Variants in FGF13 observed in about 807,000 individuals in gnomAD.
The protein encoded by FGF13 is fibroblast growth factor homologous factor 2.
FGF13 carries 2 observed loss-of-function variants against 19.5 expected under a neutral mutation model. That is an observed-to-expected ratio of 0.10 (90% CI 0.04 to 0.32). The LOEUF (loss-of-function observed/expected upper bound fraction) is 0.32. Among genes scored for constraint, FGF13 ranks in the 10% least tolerant of loss-of-function variants. The pLI, the probability that FGF13 is intolerant of heterozygous loss-of-function variation, is 1.00. For synonymous variants in FGF13, 72 were observed against 76.9 expected, an observed-to-expected ratio of 0.94 and a Z score of 0.33; for missense variants, 113 against 192.7, an observed-to-expected ratio of 0.59 and a Z score of 2.45.
At chrX:139,035,752 G>T (rs900076812) in intron 1 of FGF13, among the ~76,000 whole-genome samples, 3 of 111,128 alleles carry the variant, frequency 2.7e-5, no homozygotes, top group Non-Finnish European at 3.8e-5. Flanking sequence ...GGGCTTAGGA[G>T]GGTTGAGGAG....
chrX:138,767,861 C>A (rs2090513548), intron 3 of FGF13, among the ~76,000 whole-genome samples: 1 of 112,183 alleles, frequency 8.9e-6, no homozygotes, highest in Admixed American at 9.5e-5. Context: ...GAATTAGAAA[C>A]CAGAGATATA....
chrX:139,069,690 A>T (rs937664096), intron 1 of FGF13, among the ~76,000 whole-genome samples: 2 of 112,392 alleles, frequency 1.8e-5, no homozygotes, highest in Non-Finnish European at 3.8e-5. Context: ...CTAAGCCAAA[A>T]GAACAAAGCT....
At chrX:138,888,470 C>T (rs988955085) in intron 1 of FGF13, among the ~76,000 whole-genome samples, 1 of 110,556 alleles carries the variant, frequency 9.0e-6, no homozygotes, top group Non-Finnish European at 1.9e-5. Flanking sequence ...GCTTAGTGCT[C>T]TACTGTTGGG....
At chrX:139,111,118 G>C (rs929126794) in intron 1 of FGF13, among the ~76,000 whole-genome samples, 1 of 112,164 alleles carries the variant, frequency 8.9e-6, no homozygotes, top group African/African-American at 3.2e-5. Flanking sequence ...AGATGGCTAA[G>C]ATCTCAAAAG....
intron 3 of FGF13, among the ~76,000 whole-genome samples, chrX:138,827,207 T>C (rs2091040098): frequency 1.8e-5 from 2 of 112,042 alleles, no homozygotes; most frequent in Non-Finnish European, 3.8e-5. Context: ...GTGCTGTGGC[T>C]GGATCCCAGT....
intron 3 of FGF13, among the ~76,000 whole-genome samples, chrX:138,772,545 C>T (rs2124345714): frequency 9.0e-6 from 1 of 111,526 alleles, no homozygotes; most frequent in African/African-American, 3.3e-5. Flanking sequence ...GTTCTTCAAT[C>T]CATGCTGTTT....
intron 1 of FGF13, among the ~76,000 whole-genome samples, chrX:138,901,290 G>A (rs908351926): frequency 1.8e-5 from 2 of 111,501 alleles, no homozygotes; most frequent in Admixed American, 9.6e-5. Flanking sequence ...GGACTGATAC[G>A]CATTTATGAA....
intron 1 of FGF13, among the ~76,000 whole-genome samples, chrX:138,728,864 G>A (rs1238484889): frequency 2.7e-5 from 3 of 111,133 alleles, no homozygotes; most frequent in Non-Finnish European, 3.8e-5. Context: ...AGAGAACAGA[G>A]ACAAACCATC....
chrX:138,782,313 A>G (rs1403178596), intron 3 of FGF13, among the ~76,000 whole-genome samples: 34 of 112,220 alleles, frequency 3.0e-4, no homozygotes, highest in African/African-American at 9.1e-4. Context: ...GGCCAGGGCA[A>G]TTAGGCAGGA....
chrX:138,868,337 G>C (rs2091339941), intron 1 of FGF13, among the ~76,000 whole-genome samples: 1 of 110,376 alleles, frequency 9.1e-6, no homozygotes, highest in South Asian at 3.8e-4. Flanking sequence ...ACTGCCCTAT[G>C]CATGTTGTTC....
chrX:138,946,670 T>C (rs938495889), intron 1 of FGF13, among the ~76,000 whole-genome samples: 6 of 112,079 alleles, frequency 5.4e-5, no homozygotes, highest in Non-Finnish European at 1.1e-4. Flanking sequence ...GCAGGAAGCA[T>C]TGCTATTATC....
intron 3 of FGF13, among the ~76,000 whole-genome samples, chrX:138,809,723 C>A (rs1010722659): frequency 1.8e-5 from 2 of 111,974 alleles, no homozygotes; most frequent in African/African-American, 6.5e-5. Flanking sequence ...TCTCCTTAAG[C>A]TGATAAGCAA....
chrX:138,750,661 C>T (rs950654938), intron 3 of FGF13, among the ~76,000 whole-genome samples: 1 of 111,326 alleles, frequency 9.0e-6, no homozygotes, highest in African/African-American at 3.3e-5. Context: ...TGTGAATGCG[C>T]ACACATATAC....
intron 3 of FGF13, among the ~76,000 whole-genome samples, chrX:138,795,695 A>G (rs1029332634): frequency 9.8e-5 from 11 of 112,017 alleles, no homozygotes; most frequent in Non-Finnish European, 1.7e-4. Context: ...ACTTTTGAAG[A>G]TATAATGAAG....
intron 1 of FGF13, among the ~76,000 whole-genome samples, chrX:138,889,973 G>T (rs2091468863): frequency 9.3e-6 from 1 of 107,225 alleles, no homozygotes; most frequent in Non-Finnish European, 1.9e-5. Flanking sequence ...CTATCGCCCA[G>T]GCTGGAGTTC....
At chrX:139,007,729 T>C (rs1241297932) in intron 1 of FGF13, among the ~76,000 whole-genome samples, 5 of 112,305 alleles carry the variant, frequency 4.5e-5, no homozygotes, top group Non-Finnish European at 9.4e-5. Flanking sequence ...AAGCAGTGTG[T>C]AGAGACTCAC....
chrX:139,185,705 A>G (rs181975297), intron 1 of FGF13, among the ~76,000 whole-genome samples: 1 of 111,842 alleles, frequency 8.9e-6, no homozygotes, highest in East Asian at 2.8e-4. Flanking sequence ...AAACATCAGG[A>G]AGTTCTTAGA....
At chrX:139,116,929 T>G (rs1378591106) in intron 1 of FGF13, among the ~76,000 whole-genome samples, 1 of 111,467 alleles carries the variant, frequency 9.0e-6, no homozygotes, top group East Asian at 2.8e-4. Context: ...TAAGATGCGC[T>G]GTGCTACCAA....
At chrX:138,977,526 A>G (rs1355233723) in intron 1 of FGF13, among the ~76,000 whole-genome samples, 6 of 112,603 alleles carry the variant, frequency 5.3e-5, no homozygotes, top group African/African-American at 1.9e-4. Context: ...CTTCCTCACA[A>G]TCACATTCCA....
Sources: allele counts gnomAD v4.1 joint callset (sites outside exome capture counted in the v4.1 genomes callset), GRCh38; gene constraint gnomAD v4.1.1; transcripts MANE v1.5; gene names NCBI Gene and HGNC (gene_info 2026-07-23, HGNC 2026-07-21).